MACROD2: variants seen among roughly 807,000 people sequenced by gnomAD.
MACROD2 encodes ADP-ribose glycohydrolase MACROD2.
A neutral mutation model predicts 70.4 loss-of-function variants in MACROD2; 36 were observed. The ratio of observed to expected loss-of-function variants is 0.51; its 90% confidence interval spans 0.39 to 0.68. The LOEUF (loss-of-function observed/expected upper bound fraction) is 0.68. Ranked by LOEUF, MACROD2 falls within the 30% of genes least tolerant of loss-of-function variation. The pLI is 0.00. For synonymous variants in MACROD2, 172 were observed against 178.8 expected, an observed-to-expected ratio of 0.96 and a Z score of 0.30; for missense variants, 496 against 538.4, an observed-to-expected ratio of 0.92 and a Z score of 0.78.
chr20:15,110,000 A>T (rs1038539052), intron 5 of MACROD2, among the ~76,000 whole-genome samples: 2 of 152,212 alleles, frequency 1.3e-5, no homozygotes, highest in South Asian at 4.1e-4. Flanking sequence ...AGAATGTACA[A>T]GGAACATGAT....
chr20:14,528,978 C>A (rs551176053), intron 4 of MACROD2, among the ~76,000 whole-genome samples: 1 of 152,140 alleles, frequency 6.6e-6, no homozygotes, highest in Non-Finnish European at 1.5e-5. Flanking sequence ...ATGCCTTTAT[C>A]CCTATATCTG....
chr20:14,598,010 C>G (rs1982253251), intron 4 of MACROD2, among the ~76,000 whole-genome samples: 1 of 152,038 alleles, frequency 6.6e-6, no homozygotes, highest in Non-Finnish European at 1.5e-5. Context: ...CAAATCTGTG[C>G]TTCTCTACCT....
chr20:14,315,689 G>T (rs910985567), intron 3 of MACROD2, among the ~76,000 whole-genome samples: 1 of 152,154 alleles, frequency 6.6e-6, no homozygotes, highest in Non-Finnish European at 1.5e-5. Flanking sequence ...TTAGCTACAT[G>T]ATTTTCCATT....
At chr20:14,524,135 T>C (rs1033924609) in intron 4 of MACROD2, among the ~76,000 whole-genome samples, 2 of 152,212 alleles carry the variant, frequency 1.3e-5, no homozygotes, top group Admixed American at 1.3e-4. Flanking sequence ...GGAACGGTAT[T>C]TATAATTACA....
At chr20:15,629,131 A>C (rs1030883950) in intron 8 of MACROD2, among the ~76,000 whole-genome samples, 29 of 152,310 alleles carry the variant, frequency 1.9e-4, no homozygotes, top group African/African-American at 6.7e-4. Flanking sequence ...GTGGAGTTAT[A>C]TTCCTAGCAG....
At chr20:14,879,442 C>G (rs2073586806) in intron 5 of MACROD2, among the ~76,000 whole-genome samples, 1 of 152,102 alleles carries the variant, frequency 6.6e-6, no homozygotes, top group African/African-American at 2.4e-5. Context: ...AAGGTATACA[C>G]ATATAGATTT....
intron 5 of MACROD2, among the ~76,000 whole-genome samples, chr20:15,076,344 C>T (rs960311055): frequency 6.6e-6 from 1 of 152,106 alleles, no homozygotes; most frequent in East Asian, 1.9e-4. Context: ...GTATAAATAT[C>T]TTTATAATAA....
intron 8 of MACROD2, among the ~76,000 whole-genome samples, chr20:15,711,265 G>C (rs1007149921): frequency 1.3e-5 from 2 of 152,134 alleles, no homozygotes; most frequent in Admixed American, 6.5e-5. Context: ...GCACATCTCT[G>C]TTCAGTTACA....
chr20:15,559,449 G>A (rs572430925), intron 8 of MACROD2, among the ~76,000 whole-genome samples: 8 of 152,126 alleles, frequency 5.3e-5, no homozygotes, highest in Middle Eastern at 3.4e-3. Context: ...TATTGAAATC[G>A]CAATCTTATT....
intron 7 of MACROD2, among the ~76,000 whole-genome samples, chr20:15,457,978 A>G (rs1412133816): frequency 6.6e-6 from 1 of 151,338 alleles, no homozygotes; most frequent in Non-Finnish European, 1.5e-5. Context: ...AAGAAAAACA[A>G]GTCTAAGTAC....
intron 3 of MACROD2, among the ~76,000 whole-genome samples, chr20:14,466,944 A>G (rs1473797794): frequency 2.6e-5 from 4 of 151,860 alleles, no homozygotes; most frequent in African/African-American, 4.8e-5. Flanking sequence ...GTCCGCCCCT[A>G]CTCGGGGGTG....
At chr20:15,902,275 GA>G (rs1457724694) in intron 10 of MACROD2, among the ~76,000 whole-genome samples, 1 of 151,882 alleles carries the variant, frequency 6.6e-6, no homozygotes, top group Non-Finnish European at 1.5e-5. Context: ...TCTAAGCCCT[GA>G]ACACAATATA....
chr20:14,558,205 T>C (rs1043402501), intron 4 of MACROD2, among the ~76,000 whole-genome samples: 8 of 151,680 alleles, frequency 5.3e-5, no homozygotes, highest in Non-Finnish European at 1.0e-4. Context: ...TTGGGGGAAA[T>C]AGGGAGTGAA....
intron 6 of MACROD2, among the ~76,000 whole-genome samples, chr20:15,234,995 A>T (rs544296567): frequency 2.0e-5 from 3 of 152,184 alleles, no homozygotes; most frequent in Non-Finnish European, 2.9e-5. Context: ...TTTTTAAAAA[A>T]CTAATCCATG....
chr20:14,600,250 A>G (rs1278102207), intron 4 of MACROD2, among the ~76,000 whole-genome samples: 1 of 151,538 alleles, frequency 6.6e-6, no homozygotes, highest in Non-Finnish European at 1.5e-5. Context: ...AAACAGAACC[A>G]GTTTTGTATC....
chr20:15,666,932 T>C (rs2049906479), intron 8 of MACROD2, among the ~76,000 whole-genome samples: 2 of 152,228 alleles, frequency 1.3e-5, no homozygotes, highest in Non-Finnish European at 2.9e-5. Context: ...GAAGAAATAG[T>C]GCAGTGAACA....
intron 8 of MACROD2, among the ~76,000 whole-genome samples, chr20:15,752,731 A>AT (rs1197952384): frequency 6.6e-6 from 1 of 151,940 alleles, no homozygotes; most frequent in Non-Finnish European, 1.5e-5. Flanking sequence ...TCACTTGTAT[A>AT]TTTTTTTATT....
intron 6 of MACROD2, among the ~76,000 whole-genome samples, chr20:15,430,569 T>G (rs1011340358): frequency 2.6e-5 from 4 of 151,938 alleles, no homozygotes; most frequent in Non-Finnish European, 4.4e-5. Context: ...AAAGCCTAAT[T>G]TAGAGTAAAA....
At chr20:14,904,828 T>C (rs1300221578) in intron 5 of MACROD2, 4 of 152,182 alleles carry the variant, frequency 2.6e-5, no homozygotes, top group African/African-American at 4.8e-5. Context: ...CAATGGCATA[T>C]ATTATGCATA....
Sources: gnomAD v4.1 joint callset for allele counts (sites outside exome capture counted in the v4.1 genomes callset) on GRCh38, gnomAD v4.1.1 for gene constraint, MANE v1.5 for transcripts, NCBI Gene and HGNC (gene_info 2026-07-23, HGNC 2026-07-21) for gene names.